The following POLR3B variants were observed in gnomAD, a reference collection of about 807,000 sequenced individuals.
POLR3B encodes the protein RNA polymerase III subunit B, also known as DNA-directed RNA polymerase III subunit RPC2.
A neutral mutation model predicts 147.4 loss-of-function variants in POLR3B; 96 were observed. The ratio of observed to expected loss-of-function variants is 0.65; its 90% CI spans 0.55 to 0.77. The LOEUF (loss-of-function observed/expected upper bound fraction) is 0.77, where lower values mean the gene tolerates loss of function less well. POLR3B is among the 30% of genes least tolerant of loss of function. The pLI, the probability that POLR3B is intolerant of heterozygous loss-of-function variation, is 0.00. For missense variants in POLR3B, 1,036 were observed against 1,413.5 expected (o/e 0.73, Z 4.28); for synonymous variants, 461 against 485.9 (o/e 0.95, Z 0.67).
intron 23 of POLR3B, 175 bp from the exon 24 acceptor site, chr12:106,495,880 G>T: frequency 8.7e-5 from 60 of 688,884 alleles, no homozygotes; most frequent in East Asian, 1.1e-4. Flanking sequence ...AGTCGTTTTT[G>T]AACTGTTTGT....
At chr12:106,464,792 G>A (rs923103872) in intron 23 of POLR3B, among the ~76,000 whole-genome samples, 2 of 152,122 alleles carry the variant, frequency 1.3e-5, no homozygotes, top group African/African-American at 4.8e-5. Context: ...CTGATTTTAA[G>A]TTTCTTTGCC....
chr12:106,440,885 G>A (rs61941915), intron 18 of POLR3B, among the ~76,000 whole-genome samples: 152 of 152,102 alleles, frequency 1.0e-3, no homozygotes, highest in African/African-American at 2.9e-3. Context: ...AACTCTCAGC[G>A]TTACCCAATT....
chr12:106,506,475 C>T (rs899313455), intron 27 of POLR3B, among the ~76,000 whole-genome samples: 13 of 152,134 alleles, frequency 8.5e-5, no homozygotes, highest in African/African-American at 2.7e-4. Context: ...TTCCCCTCTC[C>T]GCCACTGGTT....
At chr12:106,434,560 A>G (rs375994929) in intron 16 of POLR3B, among the ~76,000 whole-genome samples, 1 of 151,668 alleles carries the variant, frequency 6.6e-6, no homozygotes, top group East Asian at 1.9e-4. Context: ...CACAGGTACT[A>G]TCTAGGAGCC....
At chr12:106,359,331 ATTTT>A (rs35229993) in intron 1 of POLR3B, among the ~76,000 whole-genome samples, 1 of 134,902 alleles carries the variant, frequency 7.4e-6, no homozygotes, top group Non-Finnish European at 1.6e-5. Context: ...AGGCAAAACT[ATTTT>A]TTTTTTTTTT....
chr12:106,439,252 C>T (rs905575126), intron 18 of POLR3B, among the ~76,000 whole-genome samples: 2 of 152,150 alleles, frequency 1.3e-5, no homozygotes, highest in Admixed American at 6.5e-5. Context: ...TGGCACACAC[C>T]TGTAGTCCTA....
intron 26 of POLR3B, among the ~76,000 whole-genome samples, chr12:106,502,602 A>T (rs2038619013): frequency 6.6e-6 from 1 of 152,058 alleles, no homozygotes. Context: ...GAGGCAGCTC[A>T]TGCTTGGGGT....
At chr12:106,423,519 G>A (rs1446076964) in intron 12 of POLR3B, among the ~76,000 whole-genome samples, 1 of 152,172 alleles carries the variant, frequency 6.6e-6, no homozygotes, top group Non-Finnish European at 1.5e-5. Flanking sequence ...AGCCAGGGAG[G>A]TGATGGTGTT....
At chr12:106,388,796 C>T (rs1043783140) in intron 9 of POLR3B, among the ~76,000 whole-genome samples, 6 of 152,192 alleles carry the variant, frequency 3.9e-5, no homozygotes, top group Admixed American at 3.3e-4. Context: ...TGCCTTCACA[C>T]AATATATTTC....
chr12:106,398,826 CAT>C (rs1324535651), intron 10 of POLR3B, among the ~76,000 whole-genome samples: 5 of 152,158 alleles, frequency 3.3e-5, no homozygotes. Flanking sequence ...ATCAAAAACC[CAT>C]CTGTACGTCA....
chr12:106,503,121 G>A (rs1199137098), intron 26 of POLR3B, among the ~76,000 whole-genome samples: 3 of 152,162 alleles, frequency 2.0e-5, no homozygotes, highest in African/African-American at 7.2e-5. Context: ...AGATAAAAAT[G>A]TATAGATGTG....
At position 106,427,345 on chromosome 12, in the gene POLR3B, A is replaced by G. The variant is rs1331315744; in HGVS notation, c.1250A>G (p.Asn417Ser). The G allele has an allele frequency of 6.2e-7, 1 of 1,613,194 alleles. No individual in the cohort carries two copies. The highest frequency in any genetic ancestry group is 8.5e-7 in the Non-Finnish European group (1 of 1,179,220). The change falls in exon 13 of 28, where the codon AAT becomes AGT. Residue 417 changes from asparagine to serine, a missense_variant. Coordinates refer to ENST00000228347, the MANE Select transcript of POLR3B (RefSeq NM_018082.6). ...GACCAGATCACCAATGGCATGGTGA[A>G]TGCTATTTCTACCGTAAGTCTTCAG... ...RQDQITNGMV[N>S]AISTGNWSLK...
intron 7 of POLR3B, 25 bp from the exon 8 acceptor site, chr12:106,378,242 A>G (rs777933519): frequency 7.2e-7 from 1 of 1,381,496 alleles, no homozygotes; most frequent in South Asian, 1.2e-5. Context: ...TAAATGATGA[A>G]GTTTTTCTTG....
intron 11 of POLR3B, among the ~76,000 whole-genome samples, chr12:106,408,727 A>G (rs955940051): frequency 3.9e-5 from 6 of 152,172 alleles, no homozygotes. Context: ...TTAGTATCCC[A>G]CAAAGGAGTA....
At position 106,468,349 on chromosome 12, in the gene POLR3B, G is replaced by A. The variant is rs57048313; in HGVS notation, c.2713+4729G>A. ...TATTTGATTCTTCTCTCTTTTCTTC[G>A]TATTAGTCTTCCTAGTGGTCTATGT... On this transcript the variant is annotated intron_variant, in intron 23 of 27. Coordinates refer to ENST00000228347, the MANE Select transcript of POLR3B (RefSeq NM_018082.6). 3.3e-3 allele frequency among the ~76,000 whole-genome samples: 507 copies of A among 151,672 alleles called. 1 individual carries two copies. The highest frequency in any genetic ancestry group is 0.011 in the East Asian group (57 of 5,152).
Position 106,363,918 on chromosome 12 carries a change from TTAA to T in POLR3B, c.105+24_105+26del. 6.4e-7 allele frequency: 1 copy of T among 1,565,836 alleles called. No homozygotes were observed. Among genetic ancestry groups the T allele is most frequent in the Non-Finnish European group, 8.8e-7 (1 of 1,139,524 alleles). The stretch of plus-strand genomic sequence containing the variant: ...ATTTTTAAAGGTAATTGTTTCACAT[TTAA>T]TAATAATTGGTTATTTTTCAGATGA... On this transcript the variant is annotated intron_variant, in intron 2 of 27. Coordinates refer to ENST00000228347, the MANE Select transcript of POLR3B (RefSeq NM_018082.6).
intron 10 of POLR3B, 136 bp from the exon 11 acceptor site, chr12:106,405,721 T>TATGA (rs1323386737): frequency 7.4e-6 from 6 of 811,154 alleles, no homozygotes; most frequent in Non-Finnish European, 1.0e-5. Context: ...AACGTTGATT[T>TATGA]TCAACTAGAC....
intron 23 of POLR3B, among the ~76,000 whole-genome samples, chr12:106,480,376 C>A (rs1221902449): frequency 6.6e-6 from 1 of 152,112 alleles, no homozygotes; most frequent in African/African-American, 2.4e-5. Flanking sequence ...TATTGTTGTG[C>A]CATTCAGTTT....
chr12:106,366,743 A>G, intron 4 of POLR3B, 21 bp downstream of exon 4: 1 of 1,559,302 alleles, frequency 6.4e-7, no homozygotes. Context: ...AACATTCTTA[A>G]TTTGCTATGT....
Sources: gnomAD v4.1 joint callset for allele counts (sites outside exome capture counted in the v4.1 genomes callset) on GRCh38, gnomAD v4.1.1 for gene constraint, MANE v1.5 for transcripts, NCBI Gene and HGNC (gene_info 2026-07-23, HGNC 2026-07-21) for gene names.